The following NTNG1 variants were observed in gnomAD, a reference collection of about 807,000 sequenced individuals.
NTNG1 encodes netrin-G1.
Under a neutral mutation model 54.0 loss-of-function variants are expected in NTNG1, and 16 were observed. That is an observed-to-expected ratio of 0.30 (90% confidence interval 0.20 to 0.45). The LOEUF (loss-of-function observed/expected upper bound fraction) is 0.45, where lower values mean the gene tolerates loss of function less well. Ranked by LOEUF, NTNG1 falls within the 20% of genes least tolerant of loss-of-function variation. The pLI is 1.00. For synonymous variants in NTNG1, 255 were observed against 263.1 expected (o/e 0.97, Z 0.30); for missense variants, 530 against 678.7 (o/e 0.78, Z 2.43).
chr1:107,225,559 T>A (rs541494761), intron 2 of NTNG1, among the ~76,000 whole-genome samples: 1 of 152,272 alleles, frequency 6.6e-6, no homozygotes, highest in East Asian at 1.9e-4. Flanking sequence ...CTGAGCAAGA[T>A]ACATAACCTC....
chr1:107,331,221 A>G (rs550284144), intron 3 of NTNG1, among the ~76,000 whole-genome samples: 84 of 152,076 alleles, frequency 5.5e-4, no homozygotes, highest in Non-Finnish European at 9.7e-4. Context: ...CACACCAGCC[A>G]GAGATCAGCT....
chr1:107,395,206 A>G lies in NTNG1; in HGVS notation c.940A>G (p.Thr314Ala). 4 of 1,613,456 alleles carry G rather than the reference A, an allele frequency of 2.5e-6. No individual in the cohort carries two copies. The highest frequency in any genetic ancestry group is 3.4e-6 in the Non-Finnish European group (4 of 1,179,498). Reference protein sequence around the residue: ...TVCVYDNSKLTCECEHNTTGP... With the variant: ...TVCVYDNSKLACECEHNTTGP... ...ATGTGTGTATGACAACAGCAAATTG[A>G]CATGCGAATGTGAGCACAACACTAC... Residue 314 changes from threonine to alanine, a missense_variant, in exon 4 of 8, where the codon ACA (threonine) becomes GCA (alanine). Thr to Ala is a moderately conservative substitution (Grantham distance 58, BLOSUM62 0). Around this residue, in one of 2 missense-constraint regions of NTNG1, gnomAD observed 318 missense variants for 465.1 expected, o/e 0.68. Transcript: ENST00000370068.
At chr1:107,253,654 G>A (rs1468530945) in intron 2 of NTNG1, among the ~76,000 whole-genome samples, 1 of 152,152 alleles carries the variant, frequency 6.6e-6, no homozygotes, top group African/African-American at 2.4e-5. Flanking sequence ...ATTGTCTCAG[G>A]TCTTTAATGG....
At chr1:107,157,997 G>A (rs929875843) in intron 2 of NTNG1, among the ~76,000 whole-genome samples, 1 of 152,036 alleles carries the variant, frequency 6.6e-6, no homozygotes, top group African/African-American at 2.4e-5. Context: ...CATAATCTTA[G>A]GGCTGGGAAA....
At chr1:107,369,003 GCATA>G (rs1417800001) in intron 3 of NTNG1, among the ~76,000 whole-genome samples, 8 of 152,064 alleles carry the variant, frequency 5.3e-5, no homozygotes, top group African/African-American at 1.9e-4. Flanking sequence ...AGATTAGTTT[GCATA>G]TTCTAGAGTT....
chr1:107,269,674 A>G (rs929986286), intron 2 of NTNG1, among the ~76,000 whole-genome samples: 1 of 152,228 alleles, frequency 6.6e-6, no homozygotes, highest in Admixed American at 6.5e-5. Flanking sequence ...GGAGACTAGG[A>G]TATCAGTCAT....
At chr1:107,199,292 T>C (rs1170618014) in intron 2 of NTNG1, among the ~76,000 whole-genome samples, 3 of 150,698 alleles carry the variant, frequency 2.0e-5, no homozygotes, top group South Asian at 2.1e-4. Flanking sequence ...TTTTTTTCTA[T>C]TCCTAATTCT....
chr1:107,170,769 A>G (rs914315241), intron 2 of NTNG1, among the ~76,000 whole-genome samples: 4 of 152,208 alleles, frequency 2.6e-5, no homozygotes, highest in Non-Finnish European at 5.9e-5. Flanking sequence ...GCTAAGTTCC[A>G]AAAACACATT....
chr1:107,341,243 T>C (rs1478899796), intron 3 of NTNG1, among the ~76,000 whole-genome samples: 1 of 152,152 alleles, frequency 6.6e-6, no homozygotes, highest in Non-Finnish European at 1.5e-5. Context: ...CTACTAACTC[T>C]TTCCACTTTC....
intron 2 of NTNG1, among the ~76,000 whole-genome samples, chr1:107,268,461 C>A (rs1663898740): frequency 6.6e-6 from 1 of 150,974 alleles, no homozygotes; most frequent in African/African-American, 2.4e-5. Flanking sequence ...TTTTTGGACT[C>A]CTGATCTTGG....
chr1:107,447,549 G>T (rs1676380041), intron 7 of NTNG1, among the ~76,000 whole-genome samples: 1 of 152,188 alleles, frequency 6.6e-6, no homozygotes, highest in African/African-American at 2.4e-5. Context: ...ATACAGACAT[G>T]ATGTATGAAT....
At chr1:107,364,760 C>CCT (rs1360222086) in intron 3 of NTNG1, among the ~76,000 whole-genome samples, 2 of 152,124 alleles carry the variant, frequency 1.3e-5, no homozygotes, top group Non-Finnish European at 2.9e-5. Context: ...AATTATTCTA[C>CCT]CTTTACAGAT....
intron 3 of NTNG1, among the ~76,000 whole-genome samples, chr1:107,377,734 T>C (rs1671386677): frequency 6.6e-6 from 1 of 152,216 alleles, no homozygotes; most frequent in Non-Finnish European, 1.5e-5. Context: ...AAGTCAGCAT[T>C]TTCAGGAATA....
In NTNG1 at chr1:107,319,865, T is replaced by TTTTATA. The variant is rs143435452; in HGVS notation, c.247-4416_247-4415insTTATAT. On this transcript the variant is annotated intron_variant, in intron 2 of 7. Coordinates refer to ENST00000370068, the MANE Select transcript of NTNG1 (RefSeq NM_001113226.3). Reference sequence around the variant, plus strand: ...TACATTAATATCGCTTACCTGAGGTTTATATATATATATATATATAAAACT... The same window carrying TTTTATA: ...TACATTAATATCGCTTACCTGAGGTTTTTATATATATATATATATATATATAAAACT... Among the ~76,000 whole-genome samples the TTTTATA allele has an allele frequency of 5.1e-3, 750 of 147,868 alleles. 4 individuals are homozygous for TTTTATA. The highest frequency in any genetic ancestry group is 7.3e-3 in the Non-Finnish European group (491 of 66,992).
chr1:107,306,853 C>A (rs1557886149), intron 2 of NTNG1, among the ~76,000 whole-genome samples: 1 of 152,044 alleles, frequency 6.6e-6, no homozygotes, highest in Non-Finnish European at 1.5e-5. Flanking sequence ...AATGAATTAG[C>A]TACTTTAATC....
At chr1:107,371,294 C>A (rs772690052) in intron 3 of NTNG1, among the ~76,000 whole-genome samples, 1 of 152,000 alleles carries the variant, frequency 6.6e-6, no homozygotes. Flanking sequence ...AACAACCCTG[C>A]ATTTCTGGAA....
intron 5 of NTNG1, among the ~76,000 whole-genome samples, chr1:107,416,480 T>G (rs972816034): frequency 6.6e-6 from 1 of 152,016 alleles, no homozygotes; most frequent in African/African-American, 2.4e-5. Context: ...TCTCAGCAAT[T>G]TGAAAGCAGA....
chr1:107,277,980 A>C (rs1664590957), intron 2 of NTNG1, among the ~76,000 whole-genome samples: 1 of 152,212 alleles, frequency 6.6e-6, no homozygotes, highest in African/African-American at 2.4e-5. Flanking sequence ...ATTCAAGATA[A>C]TATATGGCAT....
chr1:107,335,740 T>C, intron 3 of NTNG1, among the ~76,000 whole-genome samples: 1 of 151,904 alleles, frequency 6.6e-6, no homozygotes, highest in Non-Finnish European at 1.5e-5. Context: ...TCAGCAAAGT[T>C]GCAGGATACA....
Sources: gnomAD v4.1 joint callset for allele counts (sites outside exome capture counted in the v4.1 genomes callset) on GRCh38, gnomAD v4.1.1 for gene constraint, gnomAD v4.1.1 regional missense constraint, MANE v1.5 for transcripts, NCBI Gene and HGNC (gene_info 2026-07-23, HGNC 2026-07-21) for gene names.